WDR72: variants seen among roughly 807,000 people sequenced by gnomAD.
WDR72 encodes WD repeat domain 72.
WDR72 carries 120 observed loss-of-function variants against 124.2 expected under a neutral mutation model. The ratio of observed to expected loss-of-function variants is 0.97; its 90% confidence interval spans 0.83 to 1.12. WDR72 has a LOEUF of 1.12. Among genes scored for constraint, WDR72 ranks in the 50% most tolerant of loss-of-function variants. WDR72 has a pLI of 0.00. For synonymous variants in WDR72, 452 were observed against 441.7 expected, an observed-to-expected ratio of 1.02 and a Z score of -0.29; for missense variants, 1,387 against 1,278.8, an observed-to-expected ratio of 1.08 and a Z score of -1.29.
In WDR72 at chr15:53,588,659, C is replaced by T. The variant is rs536469331; in HGVS notation, c.3148+8420G>A. On this transcript the variant is annotated intron_variant, in intron 18 of 19. Transcript: ENST00000360509. The stretch of plus-strand genomic sequence containing the variant: ...GCCACCATTTCTCTAGCAATTGCCA[C>T]ATACTAGACACTGTGCTATCTGCTG... Among the ~76,000 whole-genome samples, 13 of 152,160 alleles carry T rather than the reference C, an allele frequency of 8.5e-5. No individual in the cohort carries two copies. In the South Asian group the frequency reaches 1.9e-3, roughly 22 times the overall value.
At chr15:53,666,026 G>C (rs554375778) in intron 13 of WDR72, among the ~76,000 whole-genome samples, 1 of 152,252 alleles carries the variant, frequency 6.6e-6, no homozygotes, top group African/African-American at 2.4e-5. Context: ...AGATTCGATA[G>C]TCTTTAATAG....
chr15:53,726,264 G>GTATATATA (rs34367324), intron 2 of WDR72, among the ~76,000 whole-genome samples: 120 of 110,350 alleles, frequency 1.1e-3, no homozygotes, highest in East Asian at 8.2e-3. Context: ...ATGTATGTGT[G>GTATATATA]TATATATATA....
chr15:53,605,624 G>T (rs538069355), intron 17 of WDR72, among the ~76,000 whole-genome samples: 68 of 152,346 alleles, frequency 4.5e-4, no homozygotes, highest in African/African-American at 1.6e-3. Flanking sequence ...GGAGGCCAAG[G>T]CGGGGGGATC....
chr15:53,694,535 C>T (rs1188456255), intron 13 of WDR72, among the ~76,000 whole-genome samples: 1 of 152,166 alleles, frequency 6.6e-6, no homozygotes, highest in African/African-American at 2.4e-5. Context: ...GGCTTCCTGG[C>T]AGCCATCTCC....
In WDR72 at chr15:53,716,144, T is replaced by C. The variant is rs550010969; in HGVS notation, c.339+463A>G. Among the ~76,000 whole-genome samples, 361 of 152,220 alleles carry C rather than the reference T, an allele frequency of 2.4e-3. 7 individuals are homozygous for C. In the Middle Eastern group the frequency reaches 0.034, roughly 14 times the overall value. On this transcript the variant is annotated intron_variant, in intron 4 of 19. Transcript: ENST00000360509. The stretch of plus-strand genomic sequence containing the variant: ...CTACATATGCTTGGAAACCATCTAC[T>C]AAAAGCCAAGATTTGCTTTAAAGAT...
intron 13 of WDR72, among the ~76,000 whole-genome samples, chr15:53,695,114 A>G (rs1037016548): frequency 1.7e-4 from 26 of 152,232 alleles, no homozygotes; most frequent in African/African-American, 5.8e-4. Flanking sequence ...GGTATTTTTA[A>G]AAAGTATTAT....
At chr15:53,609,385 T>A (rs905067883) in intron 17 of WDR72, 128 bp downstream of exon 17, 1 of 780,596 alleles carries the variant, frequency 1.3e-6, no homozygotes, top group African/African-American at 1.7e-5. Flanking sequence ...CTCATCTCTA[T>A]GTCTGTTCAA....
intron 14 of WDR72, among the ~76,000 whole-genome samples, chr15:53,655,493 T>A (rs181419649): frequency 1.2e-3 from 190 of 152,200 alleles, no homozygotes; most frequent in African/African-American, 4.5e-3. Context: ...GGACCCATAC[T>A]ATTCTTTCCA....
intron 14 of WDR72, among the ~76,000 whole-genome samples, chr15:53,664,691 TAAA>T (rs769154473): frequency 6.6e-6 from 1 of 152,136 alleles, no homozygotes; most frequent in Non-Finnish European, 1.5e-5. Context: ...ATATATCCTT[TAAA>T]TAATCTACAT....
chr15:53,738,058 G>C (rs1226693267), intron 1 of WDR72, among the ~76,000 whole-genome samples: 1 of 151,966 alleles, frequency 6.6e-6, no homozygotes, highest in East Asian at 1.9e-4. Context: ...TGAATGTTTG[G>C]AAACTAAAAA....
At chr15:53,557,292 A>C (rs922262053) in intron 18 of WDR72, among the ~76,000 whole-genome samples, 36 of 152,086 alleles carry the variant, frequency 2.4e-4, no homozygotes, top group African/African-American at 8.4e-4. Context: ...AGCATTTATT[A>C]AATTTCCCTG....
At chr15:53,623,060 G>A (rs900566483) in intron 14 of WDR72, among the ~76,000 whole-genome samples, 4 of 152,078 alleles carry the variant, frequency 2.6e-5, no homozygotes, top group Admixed American at 2.6e-4. Flanking sequence ...GAGAGAAATA[G>A]TTTGTAAATC....
At chr15:53,711,822 T>C (rs941395382) in intron 7 of WDR72, among the ~76,000 whole-genome samples, 4 of 152,190 alleles carry the variant, frequency 2.6e-5, no homozygotes, top group African/African-American at 9.6e-5. Flanking sequence ...AAAATATATA[T>C]CACGTAAATC....
At chr15:53,618,789 T>G (rs2013870699) in intron 14 of WDR72, among the ~76,000 whole-genome samples, 1 of 152,036 alleles carries the variant, frequency 6.6e-6, no homozygotes, top group Non-Finnish European at 1.5e-5. Flanking sequence ...CCTCCCCATC[T>G]TTCATTAACT....
chr15:53,649,634 C>T (rs922548242), intron 14 of WDR72, among the ~76,000 whole-genome samples: 6 of 152,034 alleles, frequency 3.9e-5, no homozygotes, highest in Non-Finnish European at 8.8e-5. Context: ...TTTGAATAGA[C>T]ATTTCTCCAA....
intron 1 of WDR72, among the ~76,000 whole-genome samples, chr15:53,747,771 C>T (rs1361201941): frequency 6.6e-6 from 1 of 152,120 alleles, no homozygotes; most frequent in Admixed American, 6.5e-5. Context: ...TAGTCATTGT[C>T]AAGGAAATGA....
At chr15:53,634,208 G>A (rs911179072) in intron 14 of WDR72, among the ~76,000 whole-genome samples, 4 of 152,188 alleles carry the variant, frequency 2.6e-5, no homozygotes, top group African/African-American at 9.6e-5. Flanking sequence ...TCTCTGGAAG[G>A]TAGACAGAAG....
intron 14 of WDR72, among the ~76,000 whole-genome samples, chr15:53,645,061 GACTT>G (rs1341648428): frequency 1.3e-5 from 2 of 152,110 alleles, no homozygotes; most frequent in African/African-American, 2.4e-5. Context: ...TTTCAGCAAT[GACTT>G]TACTGTGTAT....
In WDR72 at chr15:53,705,981, T is replaced by C. The variant is rs138509133; in HGVS notation, c.1048A>G (p.Thr350Ala). ...LFSGEVSGRI[T>A]LWHIPDVPVS... ...GGAACATCAGGGATGTGCCACAAAG[T>C]AATTCTTCCTGAGACTTCTCCAGAG... is the stretch of plus-strand genomic sequence containing the variant. The change falls in exon 10 of 20, where the codon ACT becomes GCT. Residue 350 changes from threonine (T) to alanine (A), a missense_variant. Physicochemically the swap from Thr to Ala is moderately conservative, Grantham distance 58. Transcript: ENST00000360509. The C allele has an allele frequency of 6.3e-5, 102 of 1,614,068 alleles. No individual in the cohort carries two copies. The African/African-American group carries it at 1.2e-3, about 19-fold the overall frequency.
Sources: gnomAD v4.1 joint callset for allele counts (sites outside exome capture counted in the v4.1 genomes callset) on GRCh38, gnomAD v4.1.1 for gene constraint, MANE v1.5 for transcripts, NCBI Gene and HGNC (gene_info 2026-07-23, HGNC 2026-07-21) for gene names.